CELF2: variants seen among roughly 807,000 people sequenced by gnomAD.
CELF2 encodes the protein CUGBP Elav-like family member 2.
Under a neutral mutation model 62.6 loss-of-function variants are expected in CELF2, and 8 were observed. The observed-to-expected ratio is 0.13, with a 90% CI of 0.07 to 0.23. The LOEUF (loss-of-function observed/expected upper bound fraction) is 0.23. CELF2 is among the 10% of genes least tolerant of loss of function. The pLI, the probability that CELF2 is intolerant of heterozygous loss-of-function variation, is 1.00. For missense variants in CELF2, 333 were observed against 671.0 expected (o/e 0.50, Z 5.56); for synonymous variants, 258 against 250.0 (o/e 1.03, Z -0.30).
chr10:10,879,452 T>G (rs1197578914), intron 1 of CELF2, among the ~76,000 whole-genome samples: 21 of 152,232 alleles, frequency 1.4e-4, no homozygotes. Context: ...GTTGAGTTGT[T>G]GCAAAGCTCA....
the CELF2 span, among the ~76,000 whole-genome samples, chr10:10,479,040 A>AT: frequency 1.3e-5 from 2 of 152,128 alleles, no homozygotes; most frequent in East Asian, 1.9e-4. Flanking sequence ...GTCTGCTCTG[A>AT]TTTTTTTACG....
intron 3 of CELF2, among the ~76,000 whole-genome samples, chr10:11,235,494 C>G (rs1389381837): frequency 1.3e-5 from 2 of 152,212 alleles, no homozygotes; most frequent in Non-Finnish European, 2.9e-5. Context: ...TCTCTAAGCT[C>G]TACCAACCAG....
chr10:10,610,032 A>C, the CELF2 span, among the ~76,000 whole-genome samples: 1 of 152,220 alleles, frequency 6.6e-6, no homozygotes, highest in East Asian at 1.9e-4. Context: ...TATTTTCAAA[A>C]GGAAAATTGA....
chr10:10,805,635 G>T (rs777968063), intron 1 of CELF2, among the ~76,000 whole-genome samples: 1 of 152,086 alleles, frequency 6.6e-6, no homozygotes, highest in East Asian at 1.9e-4. Flanking sequence ...CTTTTAATGA[G>T]GGGGGGAGAC....
intron 8 of CELF2, among the ~76,000 whole-genome samples, chr10:11,275,385 A>G (rs1417649282): frequency 6.6e-6 from 1 of 152,158 alleles, no homozygotes; most frequent in Non-Finnish European, 1.5e-5. Context: ...TCAACAAATG[A>G]TTATATCAAC....
intron 1 of CELF2, among the ~76,000 whole-genome samples, chr10:11,118,890 T>C (rs2057134620): frequency 6.6e-6 from 1 of 152,188 alleles, no homozygotes; most frequent in Admixed American, 6.5e-5. Context: ...TTGTATGACC[T>C]TTCGCAAGTC....
At chr10:10,989,177 A>C (rs1482311153) in intron 2 of CELF2, among the ~76,000 whole-genome samples, 1 of 152,132 alleles carries the variant, frequency 6.6e-6, no homozygotes, top group Non-Finnish European at 1.5e-5. Context: ...AATACATTAA[A>C]TTTTTCCCAG....
intron 2 of CELF2, among the ~76,000 whole-genome samples, chr10:10,933,201 G>T (rs2066271320): frequency 6.6e-6 from 1 of 152,022 alleles, no homozygotes; most frequent in Admixed American, 6.6e-5. Flanking sequence ...GACTCAGGAG[G>T]CTGAGGTGGG....
rs145230940 is a variant in CELF2, at chr10:11,029,648, C to G, written c.74+11485C>G. On this transcript the variant is annotated intron_variant, in intron 1 of 12. Coordinates refer to ENST00000633077, the MANE Select transcript of CELF2 (RefSeq NM_001326342.2). The stretch of plus-strand genomic sequence containing the variant: ...TTGCTGGAGGCAGGGGGGCCTTTGG[C>G]AATATCAAAGATGACTGTTGTTGCT... Among the ~76,000 whole-genome samples, 8 of 152,294 alleles carry G rather than the reference C, an allele frequency of 5.3e-5. No individual in the cohort carries two copies. In the East Asian group the frequency reaches 1.5e-3, roughly 29 times the overall value.
At chr10:10,775,427 T>C in the CELF2 span, among the ~76,000 whole-genome samples, 1 of 151,784 alleles carries the variant, frequency 6.6e-6, no homozygotes, top group Non-Finnish European at 1.5e-5. Context: ...ATCAGGAATT[T>C]GAGACCAGCC....
At position 11,117,061 on chromosome 10, in the gene CELF2, G is replaced by C. The variant is rs564560556; in HGVS notation, c.75-48425G>C. Among the ~76,000 whole-genome samples, 1 of 152,188 alleles carries C rather than the reference G, an allele frequency of 6.6e-6. No individual in the cohort carries two copies. Among genetic ancestry groups the C allele is most frequent in the African/African-American group, 2.4e-5 (1 of 41,446 alleles). ...GCAGAACTTTCACGTGAACCTGAGC[G>C]GTCTGGCTTCAGAATCCACACTCAA... On this transcript the variant is annotated intron_variant, in intron 1 of 12. Transcript: ENST00000633077. This position sits in a 1 kb window ranked among gnomAD's most constrained non-coding sequence, Gnocchi z 4.1.
chr10:10,904,590 C>T (rs926870430), intron 1 of CELF2, among the ~76,000 whole-genome samples: 3 of 152,136 alleles, frequency 2.0e-5, no homozygotes, highest in African/African-American at 4.8e-5. Flanking sequence ...CTAGATTGCA[C>T]ACAACATCCA....
chr10:10,937,825 T>C (rs769481777), intron 2 of CELF2, among the ~76,000 whole-genome samples: 5 of 152,130 alleles, frequency 3.3e-5, no homozygotes, highest in Non-Finnish European at 7.4e-5. Flanking sequence ...GATAGCATGA[T>C]AGTGTATGAA....
At chr10:11,147,884 A>G (rs1435525732) in intron 1 of CELF2, among the ~76,000 whole-genome samples, 1 of 152,254 alleles carries the variant, frequency 6.6e-6, no homozygotes, top group African/African-American at 2.4e-5. Flanking sequence ...GCCTGGGCTC[A>G]CACACAAGGC....
intron 1 of CELF2, among the ~76,000 whole-genome samples, chr10:10,888,312 G>A (rs935053050): frequency 3.9e-5 from 6 of 152,184 alleles, no homozygotes; most frequent in African/African-American, 4.8e-5. Context: ...AATCGTGCAC[G>A]CAGGGTGGGA....
At chr10:11,166,106 C>G (rs1369405235) in intron 2 of CELF2, among the ~76,000 whole-genome samples, 3 of 152,228 alleles carry the variant, frequency 2.0e-5, no homozygotes, top group African/African-American at 7.2e-5. Flanking sequence ...TTCACTTTTC[C>G]ATAGCCTGTG....
In CELF2 at chr10:11,012,077, A is replaced by T. The variant is rs908456143; in HGVS notation, c.53+6637A>T. ...TAGGAAGTACGGAATGGCCACGCTT[A>T]AGAAGAAAGGTCTAGCTGATGAATC... On this transcript the variant is annotated intron_variant, in intron 1 of 12. Transcript: ENST00000416382. The surrounding 1 kb of genome is among the most constrained non-coding windows in gnomAD (Gnocchi z 5.5). Among the ~76,000 whole-genome samples, 1 of 152,226 alleles carries T rather than the reference A, an allele frequency of 6.6e-6. No individual in the cohort carries two copies. The highest frequency in any genetic ancestry group is 6.5e-5 in the Admixed American group (1 of 15,286).
chr10:10,635,900 T>G, the CELF2 span, among the ~76,000 whole-genome samples: 1 of 152,250 alleles, frequency 6.6e-6, no homozygotes, highest in South Asian at 2.1e-4. Flanking sequence ...ATACTGTAAT[T>G]ACTGACAACT....
Position 10,828,622 on chromosome 10 carries a change from G to T in CELF2, c.53+29805G>T, listed in dbSNP as rs142802373. 3.9e-5 allele frequency among the ~76,000 whole-genome samples: 6 copies of T among 152,280 alleles called. No homozygotes were observed. In the East Asian group the frequency reaches 1.2e-3, roughly 29 times the overall value. ...AGTATACTTAATGATACTAAACTAT[G>T]CACTTCAAATGGTTTCAATGGTCAT... On this transcript the variant is annotated intron_variant, in intron 1 of 13. Transcript: ENST00000636488.
Sources: allele counts gnomAD v4.1 joint callset (sites outside exome capture counted in the v4.1 genomes callset), GRCh38; gene constraint gnomAD v4.1.1; non-coding constraint Gnocchi (gnomAD v3.1); transcripts MANE v1.5; gene names NCBI Gene and HGNC (gene_info 2026-07-23, HGNC 2026-07-21).